Variants in SALL3 observed in about 807,000 individuals in gnomAD.
SALL3 encodes spalt like transcription factor 3, also known as sal-like protein 3.
In SALL3, 25 loss-of-function variants were observed where a neutral mutation model predicts 66.2. That is an observed-to-expected ratio of 0.38 (90% CI 0.28 to 0.53). The LOEUF is 0.53. Among genes scored for constraint, SALL3 ranks in the 20% least tolerant of loss-of-function variants. The pLI is 0.85. For missense variants in SALL3, 2,194 were observed against 1,916.5 expected (o/e 1.14, Z -2.70); for synonymous variants, 1,152 against 899.1 (o/e 1.28, Z -5.03).
At position 78,980,243 on chromosome 18, in the gene SALL3, G is replaced by A. The variant is rs1368401738; in HGVS notation, c.-32G>A. On this transcript the variant is annotated 5_prime_UTR_variant, in exon 1 of 3. Transcript: ENST00000537592. ...CGCCGGCCGCCCCGCTGATGCCGCT[G>A]CCCCGCGCGGGGCCCGAGCGCCGCT... 20 of 1,148,872 alleles carry A rather than the reference G, an allele frequency of 1.7e-5. No individual in the cohort carries two copies. The highest frequency in any genetic ancestry group is 2.2e-5 in the Non-Finnish European group (20 of 919,360). The allele number at this position is 1,148,872 out of a possible 1,614,324, so 71.2% of individuals were successfully genotyped here.
In SALL3 at chr18:78,993,905, C is replaced by A. The variant is rs780801182; in HGVS notation, c.1914C>A (p.Ala638=). Residue 638 remains alanine (A), a synonymous_variant, in exon 2 of 3, where the codon GCC becomes GCA. Coordinates refer to ENST00000537592, the MANE Select transcript of SALL3 (RefSeq NM_171999.4). ...PTSLGSPGLP[A]VSEQFKAQFP... is the part of the protein sequence containing the mutation. ...GCCTCGGCAGCCCCGGGCTGCCCGC[C>A]GTCTCCGAGCAGTTCAAGGCCCAGT... 1.9e-6 allele frequency: 3 copies of A among 1,594,354 alleles called. No individual in the cohort carries two copies. The highest frequency in any genetic ancestry group is 2.3e-5 in the South Asian group (2 of 88,706).
intron 1 of SALL3, among the ~76,000 whole-genome samples, chr18:78,988,742 C>G (rs1914329491): frequency 1.3e-5 from 2 of 152,168 alleles, no homozygotes; most frequent in African/African-American, 4.8e-5. Flanking sequence ...GACACAGTCA[C>G]AGCTGGGGCA....
Position 78,992,449 on chromosome 18 carries a change from C to T in SALL3, c.458C>T (p.Ala153Val). ...RAPRPPPAAPAPPTPAYGAPS... is the reference protein window; with the variant it reads ...RAPRPPPAAPVPPTPAYGAPS... ...CCCCGGCCCCCGCCTGCGGCCCCTGCACCCCCAACGCCCGCCTACGGCGCG... is the reference window on the plus strand; with the variant it reads ...CCCCGGCCCCCGCCTGCGGCCCCTGTACCCCCAACGCCCGCCTACGGCGCG... Residue 153 changes from alanine (A) to valine (V), a missense_variant, in exon 2 of 3, where the codon GCA becomes GTA. Transcript: ENST00000537592. The T allele has an allele frequency of 2.1e-6, 3 of 1,417,500 alleles. No individual in the cohort carries two copies. Among genetic ancestry groups the T allele is most frequent in the South Asian group, 1.4e-5 (1 of 73,764 alleles). The allele number at this position is 1,417,500 out of a possible 1,614,324, so 87.8% of individuals were successfully genotyped here. A position where few individuals can be genotyped will look rare whatever the true frequency, so the allele number is the denominator to read the frequency against.
chr18:78,986,476 T>TTA (rs1346094402), intron 1 of SALL3, among the ~76,000 whole-genome samples: 10 of 152,364 alleles, frequency 6.6e-5, no homozygotes, highest in Non-Finnish European at 2.9e-5. Context: ...GGTCTCTATT[T>TTA]GTCTCCTCCT....
rs1326769450 is a variant in SALL3 at position 78,994,071 on chromosome 18, C to G, written c.2080C>G (p.Leu694Val). Residue 694 changes from leucine to valine, a missense_variant, in exon 2 of 3, where the codon CTG (leucine) becomes GTG (valine). Transcript: ENST00000537592. ...CCGGGTGCTGAGCTGCCAGAGCGCG[C>G]TGAAGATGCACTACCGGACGCACAC... Reference protein sequence around the residue: ...CHRVLSCQSALKMHYRTHTGE... With the variant: ...CHRVLSCQSAVKMHYRTHTGE... 1.2e-6 allele frequency: 2 copies of G among 1,612,902 alleles called. No homozygotes were observed. Among genetic ancestry groups the G allele is most frequent in the Non-Finnish European group, 1.7e-6 (2 of 1,179,984 alleles).
At chr18:78,996,743 A>G (rs1313654368) in intron 2 of SALL3, 148 bp from the exon 3 acceptor site, 2 of 687,544 alleles carry the variant, frequency 2.9e-6, no homozygotes, top group Non-Finnish European at 4.9e-6. Context: ...GTAGAAATAT[A>G]AAGTGCCCAG....
Position 78,995,055 on chromosome 18 carries a change from CAG to C in SALL3, c.3065_3066del (p.Gln1022ProfsTer16). 6.2e-7 allele frequency: 1 copy of C among 1,613,894 alleles called. No individual in the cohort carries two copies. The highest frequency in any genetic ancestry group is 8.5e-7 in the Non-Finnish European group (1 of 1,180,034). On this transcript the variant is annotated frameshift_variant, in exon 2 of 3. Coordinates refer to ENST00000537592, the MANE Select transcript of SALL3 (RefSeq NM_171999.4). LOFTEE classifies it high-confidence loss of function. ...GTGCTCCACTATGGGTAATTTAAAA[CAG>C]CACTTACTGACACACAGATTGAAAG... The part of the protein sequence containing the change: ...RGCSTMGNLK[Q>X]HLLTHRLKEL...
Position 78,992,415 on chromosome 18 carries a change from A to G in SALL3, c.424A>G (p.Thr142Ala), listed in dbSNP as rs1202759353. Residue 142 changes from threonine (T) to alanine (A), a missense_variant, in exon 2 of 3, where the codon ACG (threonine) becomes GCG (alanine). By Grantham distance (58) the Thr-to-Ala change is moderately conservative. Coordinates refer to ENST00000537592, the MANE Select transcript of SALL3 (RefSeq NM_171999.4). ...CATGGACGCGGAACCCGCGGGGGAC[A>G]CGCGCGCGCCCCGGCCCCCGCCTGC... is the stretch of plus-strand genomic sequence containing the variant. ...EPMDAEPAGD[T>A]RAPRPPPAAP... 9.8e-6 allele frequency: 13 copies of G among 1,328,658 alleles called. No homozygotes were observed. The highest frequency in any genetic ancestry group is 6.3e-5 in the African/African-American group (4 of 63,200). 82.3% of individuals were successfully genotyped at this position (1,328,658 alleles called of 1,614,324 possible).
rs1914742861 is a variant in SALL3, at chr18:78,997,553, A to T, written c.*231A>T. 3.7e-6 allele frequency: 2 copies of T among 537,156 alleles called. No homozygotes were observed. Among genetic ancestry groups the T allele is most frequent in the South Asian group, 6.4e-5 (2 of 31,140 alleles). The allele number at this position is 537,156 out of a possible 1,614,324, so 33.3% of individuals were successfully genotyped here. On this transcript the variant is annotated 3_prime_UTR_variant, in exon 3 of 3. Transcript: ENST00000537592. ...TAAATAAGCTTCCTTCAAAAAAAAAAGTGCTTGGAAAACCGCCTTAGGAAC... is the reference window on the plus strand; with the variant it reads ...TAAATAAGCTTCCTTCAAAAAAAAATGTGCTTGGAAAACCGCCTTAGGAAC...
chr18:78,981,744 G>A (rs904339746), intron 1 of SALL3, among the ~76,000 whole-genome samples: 2 of 152,144 alleles, frequency 1.3e-5, no homozygotes, highest in African/African-American at 4.8e-5. Flanking sequence ...TAAGGACAAA[G>A]AATCTTTTTG....
intron 1 of SALL3, among the ~76,000 whole-genome samples, chr18:78,987,367 A>G (rs1914279147): frequency 6.6e-6 from 1 of 152,164 alleles, no homozygotes; most frequent in African/African-American, 2.4e-5. Context: ...TTCTGTGTAT[A>G]TTTTATTAGT....
rs777068395 is a variant in SALL3, at chr18:78,997,340, TG to T, written c.*19del. 3 of 1,603,142 alleles carry T rather than the reference TG, an allele frequency of 1.9e-6. No homozygotes were observed. Among genetic ancestry groups the T allele is most frequent in the Admixed American group, 3.4e-5 (2 of 59,650 alleles). ...TCAACTAGCCAGTGACTCGCTCATC[TG>T]CCCTGCCCAGGCCCACGTTTTGAAG... is the stretch of plus-strand genomic sequence containing the variant. On this transcript the variant is annotated 3_prime_UTR_variant, in exon 3 of 3. Transcript: ENST00000537592.
At chr18:78,990,152 AT>A (rs1351510496) in intron 1 of SALL3, among the ~76,000 whole-genome samples, 1 of 152,182 alleles carries the variant, frequency 6.6e-6, no homozygotes, top group Non-Finnish European at 1.5e-5. Flanking sequence ...TACTTGGAGT[AT>A]TTATTTTGCT....
Position 78,995,313 on chromosome 18 carries a change from C to T in SALL3, c.3322C>T (p.Arg1108Trp). The T allele has an allele frequency of 6.4e-7, 1 of 1,568,992 alleles. No individual in the cohort carries two copies. ...GCCCATGCTGGCCCCCCCACCGCGC[C>T]GGACGCCCAAGCAGCACAACTGCCA... Reference protein sequence around the residue: ...LAPMLAPPPRRTPKQHNCQSC... With the variant: ...LAPMLAPPPRWTPKQHNCQSC... The change falls in exon 2 of 3, where the codon CGG becomes TGG. Residue 1108 changes from arginine (R) to tryptophan (W), a missense_variant. Coordinates refer to ENST00000537592, the MANE Select transcript of SALL3 (RefSeq NM_171999.4).
Position 78,992,978 on chromosome 18 carries a change from G to A in SALL3, c.987G>A (p.Pro329=), listed in dbSNP as rs137944092. 0.045 allele frequency: 61,771 copies of A among 1,358,486 alleles called. 1,593 individuals are homozygous for A. Among genetic ancestry groups the A allele is most frequent in the Non-Finnish European group, 0.05 (53,240 of 1,063,420 alleles). The allele number at this position is 1,358,486 out of a possible 1,614,324, so 84.2% of individuals were successfully genotyped here. A position where few individuals can be genotyped will look rare whatever the true frequency, so the allele number is the denominator to read the frequency against. ...CTGCCCCCGCCCCGGCGCCAGCGCC[G>A]CAGAGCGCAGCCTCGTCGCAGCCGC... ...APAAPAPAPA[P]QSAASSQPQS... is the part of the protein sequence containing the mutation. The change falls in exon 2 of 3, where the codon CCG becomes CCA. Residue 329 remains proline, a synonymous_variant. Coordinates refer to ENST00000537592, the MANE Select transcript of SALL3 (RefSeq NM_171999.4).
rs780545420 is a variant in SALL3 at position 78,997,089 on chromosome 18, G to A, written c.3670G>A (p.Ala1224Thr). 8.1e-6 allele frequency: 13 copies of A among 1,613,968 alleles called. No individual in the cohort carries two copies. The highest frequency in any genetic ancestry group is 4.0e-5 in the African/African-American group (3 of 74,902). ...QYAAAITNGLAMKNNEISVIQ... is the reference protein window; with the variant it reads ...QYAAAITNGLTMKNNEISVIQ... ...TGCTGCAGCCATCACTAACGGGCTCGCCATGAAGAACAACGAGATCTCCGT... is the reference window on the plus strand; with the variant it reads ...TGCTGCAGCCATCACTAACGGGCTCACCATGAAGAACAACGAGATCTCCGT... Residue 1224 changes from alanine (A) to threonine (T), a missense_variant, in exon 3 of 3, where the codon GCC (alanine) becomes ACC (threonine). By Grantham distance (58) the Ala-to-Thr change is moderately conservative. Coordinates refer to ENST00000537592, the MANE Select transcript of SALL3 (RefSeq NM_171999.4).
chr18:78,992,357 C>T lies in SALL3; in HGVS notation c.366C>T (p.Gly122=), dbSNP rs1466740497. 4 of 1,356,652 alleles carry T rather than the reference C, an allele frequency of 2.9e-6. No individual in the cohort carries two copies. Among genetic ancestry groups the T allele is most frequent in the African/African-American group, 3.1e-5 (2 of 64,398 alleles). The allele number at this position is 1,356,652 out of a possible 1,614,324, so 84.0% of individuals were successfully genotyped here. The part of the protein sequence containing the change: ...AEEAGAEGAE[G]EARPVEKEAE... ...AGGCGGGTGCGGAGGGCGCGGAGGGCGAGGCCAGGCCGGTGGAGAAGGAGG... is the reference window on the plus strand; with the variant it reads ...AGGCGGGTGCGGAGGGCGCGGAGGGTGAGGCCAGGCCGGTGGAGAAGGAGG... Residue 122 remains glycine (G), a synonymous_variant, in exon 2 of 3, where the codon GGC becomes GGT. Coordinates refer to ENST00000537592, the MANE Select transcript of SALL3 (RefSeq NM_171999.4).
chr18:78,986,427 T>C (rs1017353005), intron 1 of SALL3, among the ~76,000 whole-genome samples: 2 of 152,222 alleles, frequency 1.3e-5, no homozygotes, highest in Non-Finnish European at 2.9e-5. Flanking sequence ...ATTTTTCTAT[T>C]GCGTCTGGAA....
Position 78,994,500 on chromosome 18 carries a change from A to T in SALL3, c.2509A>T (p.Ile837Phe), listed in dbSNP as rs370118736. 83 of 1,197,522 alleles carry T rather than the reference A, an allele frequency of 6.9e-5. No homozygotes were observed. The highest frequency in any genetic ancestry group is 9.3e-5 in the Non-Finnish European group (79 of 848,034). The allele number at this position is 1,197,522 out of a possible 1,614,324, so 74.2% of individuals were successfully genotyped here. A position where few individuals can be genotyped will look rare whatever the true frequency, so the allele number is the denominator to read the frequency against. The change falls in exon 2 of 3, where the codon ATC becomes TTC. Residue 837 changes from isoleucine (I) to phenylalanine (F), a missense_variant. Coordinates refer to ENST00000537592, the MANE Select transcript of SALL3 (RefSeq NM_171999.4). ...CTGCCCGCCCTCCCCGCCCTCGGTC[A>T]TCTCCAGCATTGCCGCCCTGGAGAA... is the stretch of plus-strand genomic sequence containing the variant. ...GSCPPSPPSV[I>F]SSIAALENQM... is the part of the protein sequence containing the mutation.
Sources: allele counts gnomAD v4.1 joint callset (sites outside exome capture counted in the v4.1 genomes callset), GRCh38; gene constraint gnomAD v4.1.1; transcripts MANE v1.5; gene names NCBI Gene and HGNC (gene_info 2026-07-23, HGNC 2026-07-21).